Variants in HOPX observed in about 807,000 individuals in gnomAD.
The protein encoded by HOPX is HOP homeobox.
A neutral mutation model predicts 11.8 loss-of-function variants in HOPX; 5 were observed. That is an observed-to-expected ratio of 0.43 (90% CI 0.22 to 0.89). HOPX has a LOEUF of 0.89. Among genes scored for constraint, HOPX ranks in the 40% least tolerant of loss-of-function variants. The probability of loss-of-function intolerance (pLI) is 0.28; values close to 1 mark genes in which losing one functional copy is unlikely to be tolerated. For missense variants in HOPX, 119 were observed against 120.0 expected, an observed-to-expected ratio of 0.99 and a Z score of 0.04; for synonymous variants, 49 against 49.7, an observed-to-expected ratio of 0.99 and a Z score of 0.06.
At chr4:56,667,090 C>G (rs1343192639) in intron 1 of HOPX, among the ~76,000 whole-genome samples, 3 of 152,154 alleles carry the variant, frequency 2.0e-5, no homozygotes, top group Non-Finnish European at 2.9e-5. Context: ...ATTTATAGCA[C>G]AACTTCAACG....
chr4:56,663,150 A>G (rs1419289662), intron 1 of HOPX: 1 of 152,188 alleles, frequency 6.6e-6, no homozygotes, highest in African/African-American at 2.4e-5. Flanking sequence ...TTTGTTCTGT[A>G]AAGTCTGAGC....
chr4:56,661,161 C>CT (rs910667653), intron 1 of HOPX, among the ~76,000 whole-genome samples: 8 of 151,424 alleles, frequency 5.3e-5, no homozygotes, highest in African/African-American at 7.3e-5. Context: ...CCTAAAAGAA[C>CT]TTTTTTTTTA....
chr4:56,666,394 CAA>C, intron 1 of HOPX, among the ~76,000 whole-genome samples: 1 of 152,184 alleles, frequency 6.6e-6, no homozygotes, highest in East Asian at 1.9e-4. Flanking sequence ...GTTGTTGAAA[CAA>C]GTCTCTCAGT....
chr4:56,651,001 CT>C, intron 3 of HOPX: 1 of 490,968 alleles, frequency 2.0e-6, no homozygotes, highest in Non-Finnish European at 3.5e-6. Context: ...GATGCAAGGT[CT>C]GATTAAATAG....
At chr4:56,653,161 C>T (rs1187948315) in intron 3 of HOPX, among the ~76,000 whole-genome samples, 2 of 152,168 alleles carry the variant, frequency 1.3e-5, no homozygotes, top group Non-Finnish European at 2.9e-5. Context: ...CCTTAGCCTT[C>T]AGAGTAGCTG....
At chr4:56,659,000 T>C (rs908081197) in intron 1 of HOPX, among the ~76,000 whole-genome samples, 23 of 152,342 alleles carry the variant, frequency 1.5e-4, no homozygotes, top group Admixed American at 1.5e-3. Flanking sequence ...AATCCTGTAA[T>C]CATTTATTTT....
chr4:56,648,815 G>GA lies in HOPX; in HGVS notation c.199-19dup, dbSNP rs765957108. ...AACCATTTCTGGAAGAGAGAAATGA[G>GA]AAAAAATATTTGTCACATACAGAAA... On this transcript the variant is annotated intron_variant, in intron 3 of 3. Transcript: ENST00000420433. The GA allele has an allele frequency of 1.9e-5, 31 of 1,595,644 alleles. No individual in the cohort carries two copies. The highest frequency in any genetic ancestry group is 2.4e-5 in the Non-Finnish European group (28 of 1,165,536).
In HOPX at chr4:56,648,026, A is replaced by G. The variant is rs1319317395; in HGVS notation, c.*694T>C. The G allele has an allele frequency of 6.6e-6, 1 of 151,976 alleles. No homozygotes were observed. The highest frequency in any genetic ancestry group is 2.4e-5 in the African/African-American group (1 of 41,236). 9.4% of individuals were successfully genotyped at this position (151,976 alleles called of 1,614,324 possible). On this transcript the variant is annotated 3_prime_UTR_variant, in exon 4 of 4. Transcript: ENST00000420433. ...AACAAAAAGTTAAGGTTTTATTTAG[A>G]ATATCATTTTAGAGACAAAAAGCAG...
intron 1 of HOPX, among the ~76,000 whole-genome samples, chr4:56,672,044 T>C (rs937035680): frequency 1.3e-5 from 2 of 152,046 alleles, no homozygotes; most frequent in East Asian, 1.9e-4. Flanking sequence ...CTAATCTAGC[T>C]TTCCCAGTGA....
intron 3 of HOPX, among the ~76,000 whole-genome samples, chr4:56,653,413 G>A (rs759961869): frequency 6.6e-5 from 10 of 152,102 alleles, no homozygotes; most frequent in Non-Finnish European, 1.3e-4. Context: ...TGTTTGAGAA[G>A]ATGAAAGAAG....
chr4:56,650,638 T>C, intron 3 of HOPX: 2 of 1,548,096 alleles, frequency 1.3e-6, no homozygotes, highest in Non-Finnish European at 1.7e-6. Flanking sequence ...TACAGCAGAG[T>C]TTACACACTG....
chr4:56,670,723 G>A (rs545021196), intron 1 of HOPX, among the ~76,000 whole-genome samples: 3 of 152,302 alleles, frequency 2.0e-5, no homozygotes, highest in South Asian at 4.1e-4. Context: ...CAGGCCGGGC[G>A]TAGTGGCTCA....
At chr4:56,673,804 A>G (rs1392509986) in intron 1 of HOPX, among the ~76,000 whole-genome samples, 1 of 152,070 alleles carries the variant, frequency 6.6e-6, no homozygotes, top group Non-Finnish European at 1.5e-5. Flanking sequence ...TCCCGGGTTC[A>G]AGCGATTTTC....
chr4:56,665,310 A>G (rs1350873752), intron 1 of HOPX: 1 of 152,142 alleles, frequency 6.6e-6, no homozygotes, highest in African/African-American at 2.4e-5. Flanking sequence ...AGTAAATTAT[A>G]TGCACTTCTA....
chr4:56,665,343 A>G (rs1718372079), intron 1 of HOPX: 1 of 152,204 alleles, frequency 6.6e-6, no homozygotes, highest in Admixed American at 6.5e-5. Flanking sequence ...CATTTCTCAT[A>G]CATTTAAATC....
At chr4:56,667,634 C>A (rs895555412) in intron 1 of HOPX, among the ~76,000 whole-genome samples, 10 of 152,190 alleles carry the variant, frequency 6.6e-5, no homozygotes. Flanking sequence ...AAATTTGAAG[C>A]TAAAATGTTT....
intron 2 of HOPX, among the ~76,000 whole-genome samples, chr4:56,657,424 G>A (rs1461058344): frequency 3.3e-5 from 5 of 152,110 alleles, no homozygotes; most frequent in African/African-American, 4.8e-5. Context: ...CTGATGTCCC[G>A]GCAGAATGTA....
chr4:56,652,041 C>G (rs1385986843), intron 3 of HOPX, among the ~76,000 whole-genome samples: 1 of 152,104 alleles, frequency 6.6e-6, no homozygotes, highest in Non-Finnish European at 1.5e-5. Flanking sequence ...AAGTTTTCAT[C>G]TAATTTAAAT....
chr4:56,654,242 C>T (rs1413150470), intron 3 of HOPX, among the ~76,000 whole-genome samples: 2 of 152,194 alleles, frequency 1.3e-5, no homozygotes, highest in African/African-American at 2.4e-5. Context: ...AAATGATGTA[C>T]TACTTGGACA....
Sources: allele counts gnomAD v4.1 joint callset (sites outside exome capture counted in the v4.1 genomes callset), GRCh38; gene constraint gnomAD v4.1.1; transcripts MANE v1.5; gene names NCBI Gene and HGNC (gene_info 2026-07-23, HGNC 2026-07-21).